LRIF1: variants seen among roughly 807,000 people sequenced by gnomAD.
The protein encoded by LRIF1 is ligand-dependent nuclear receptor-interacting factor 1.
LRIF1 carries 32 observed loss-of-function variants against 52.7 expected under a neutral mutation model. That is an observed-to-expected ratio of 0.61 (90% confidence interval 0.46 to 0.82). The LOEUF is 0.82. LRIF1 is among the 40% of genes least tolerant of loss of function. The probability of loss-of-function intolerance (pLI) is 0.00; values close to 1 mark genes in which losing one functional copy is unlikely to be tolerated. For synonymous variants in LRIF1, 323 were observed against 317.4 expected, an observed-to-expected ratio of 1.02 and a Z score of -0.19; for missense variants, 887 against 892.0, an observed-to-expected ratio of 0.99 and a Z score of 0.07.
intron 3 of LRIF1, among the ~76,000 whole-genome samples, chr1:110,948,843 G>A (rs906304537): frequency 1.3e-5 from 2 of 152,260 alleles, no homozygotes; most frequent in African/African-American, 4.8e-5. Context: ...AGTAGGCAAA[G>A]TTATAGACAT....
the LRIF1 span, among the ~76,000 whole-genome samples, chr1:110,901,163 TG>T: frequency 5.3e-5 from 8 of 151,190 alleles, no homozygotes; most frequent in Admixed American, 2.6e-4. Flanking sequence ...TTTTTTTGTT[TG>T]TTTTTTGTTT....
chr1:110,949,819 C>A, intron 3 of LRIF1, 32 bp downstream of exon 3: 1 of 1,591,424 alleles, frequency 6.3e-7, no homozygotes, highest in Non-Finnish European at 8.6e-7. Flanking sequence ...TTTGTAGTAC[C>A]TATGAAGAGC....
intron 2 of LRIF1, among the ~76,000 whole-genome samples, chr1:110,950,878 A>G (rs1658440835): frequency 6.6e-6 from 1 of 152,162 alleles, no homozygotes; most frequent in Non-Finnish European, 1.5e-5. Context: ...CAACTCTTTT[A>G]CATGCATATT....
intron 3 of LRIF1, among the ~76,000 whole-genome samples, chr1:110,949,093 G>A (rs763826151): frequency 3.3e-5 from 5 of 151,986 alleles, no homozygotes; most frequent in African/African-American, 4.8e-5. Flanking sequence ...GTGCGTGTGT[G>A]TGTGTGGGGT....
At chr1:110,951,161 G>A in intron 2 of LRIF1, 127 bp downstream of exon 2, 1 of 745,752 alleles carries the variant, frequency 1.3e-6, no homozygotes, top group East Asian at 2.7e-5. Flanking sequence ...ATACTCATAT[G>A]TGTATAGTCT....
At chr1:110,928,413 A>C in the LRIF1 span, among the ~76,000 whole-genome samples, 1 of 152,122 alleles carries the variant, frequency 6.6e-6, no homozygotes, top group South Asian at 2.1e-4. Flanking sequence ...AACTAGAATG[A>C]GACATTGGAG....
chr1:110,901,059 A>G, the LRIF1 span, among the ~76,000 whole-genome samples: 3 of 152,214 alleles, frequency 2.0e-5, no homozygotes, highest in Non-Finnish European at 2.9e-5. Flanking sequence ...TTTTAAAAAA[A>G]TTAGTATTTC....
chr1:110,914,003 C>T, the LRIF1 span, among the ~76,000 whole-genome samples: 1 of 152,098 alleles, frequency 6.6e-6, no homozygotes, highest in African/African-American at 2.4e-5. Context: ...GACATGGATG[C>T]TTCTGGAGTC....
chr1:110,882,783 C>T, the LRIF1 span, among the ~76,000 whole-genome samples: 1 of 151,936 alleles, frequency 6.6e-6, no homozygotes, highest in Admixed American at 6.6e-5. Flanking sequence ...TCTTTCACAA[C>T]TTTTGTCAGA....
the LRIF1 span, chr1:110,891,594 A>T: frequency 1.4e-6 from 1 of 727,686 alleles, no homozygotes; most frequent in Non-Finnish European, 2.4e-6. Flanking sequence ...GTCCAGCACA[A>T]CCATCCTAGA....
chr1:110,897,280 C>T, the LRIF1 span, among the ~76,000 whole-genome samples: 97,874 of 152,054 alleles, frequency 0.64, 33,451 homozygotes, highest in Non-Finnish European at 0.77. Context: ...CCAACTAGAC[C>T]GAATCCCTGA....
At chr1:110,902,495 T>TAAAAA in the LRIF1 span, among the ~76,000 whole-genome samples, 32 of 72,612 alleles carry the variant, frequency 4.4e-4, no homozygotes, top group Middle Eastern at 0.013. Context: ...AATCAATCAC[T>TAAAAA]AAAAAAAAAA....
chr1:110,899,380 A>G, the LRIF1 span: 9 of 525,282 alleles, frequency 1.7e-5, no homozygotes, highest in East Asian at 9.8e-5. Flanking sequence ...AGGCAGCAAG[A>G]CAATCTTTCA....
intron 2 of LRIF1, among the ~76,000 whole-genome samples, chr1:110,951,077 C>T (rs915774514): frequency 6.6e-6 from 1 of 152,138 alleles, no homozygotes; most frequent in East Asian, 1.9e-4. Context: ...AAGAGAAAGA[C>T]TGTACTCCTT....
chr1:110,884,089 C>G, the LRIF1 span, among the ~76,000 whole-genome samples: 1 of 152,052 alleles, frequency 6.6e-6, no homozygotes, highest in Admixed American at 6.5e-5. Flanking sequence ...TTTCTAGTTT[C>G]TCAAGATGCA....
Position 110,951,325 on chromosome 1 carries a change from G to A in LRIF1, c.1559C>T (p.Thr520Ile). 1.2e-6 allele frequency: 2 copies of A among 1,614,064 alleles called. No individual in the cohort carries two copies. The highest frequency in any genetic ancestry group is 2.2e-5 in the East Asian group (1 of 44,868). ...ISSSVDATTV[T>I]SQQCVFRDQE... ...GTCTCTGAAAACACACTGTTGTGAA[G>A]TAACAGTTGTTGCATCAACAGAGGA... Residue 520 changes from threonine (T) to isoleucine (I), a missense_variant, in exon 2 of 4, where the codon ACT becomes ATT. By Grantham distance (89) the Thr-to-Ile change is moderately conservative (BLOSUM62 -1). Coordinates refer to ENST00000369763, the MANE Select transcript of LRIF1 (RefSeq NM_018372.4).
the LRIF1 span, among the ~76,000 whole-genome samples, chr1:110,916,937 C>T: frequency 1.3e-5 from 2 of 152,186 alleles, no homozygotes; most frequent in Non-Finnish European, 2.9e-5. Flanking sequence ...ATTATGTTTC[C>T]TGCTTAGGGT....
At position 110,951,716 on chromosome 1, in the gene LRIF1, G is replaced by C; in HGVS notation, c.1168C>G (p.Pro390Ala). ...DQQNSVSPDT[P>A]VRKDTLQTVS... ...GTCTGTAACGTGTCTTTTCTTACTGGAGTATCAGGAGAAACAGAATTCTGT... is the reference window on the plus strand; with the variant it reads ...GTCTGTAACGTGTCTTTTCTTACTGCAGTATCAGGAGAAACAGAATTCTGT... The change falls in exon 2 of 4, where the codon CCA (proline) becomes GCA (alanine). Residue 390 changes from proline to alanine, a missense_variant. By Grantham distance (27) the Pro-to-Ala change is conservative. Transcript: ENST00000369763. 1 of 1,613,830 alleles carries C rather than the reference G, an allele frequency of 6.2e-7. No individual in the cohort carries two copies. Among genetic ancestry groups the C allele is most frequent in the South Asian group, 1.1e-5 (1 of 91,088 alleles).
Position 110,947,920 on chromosome 1 carries a change from T to TA in LRIF1, c.*38dup, listed in dbSNP as rs765918496. On this transcript the variant is annotated 3_prime_UTR_variant, in exon 4 of 4. Transcript: ENST00000369763. ...AACTTATTAATGCTGAAGTATATTT[T>TA]AAAAAACAGCTATTTCACTGAAGTC... 6.5e-7 allele frequency: 1 copy of TA among 1,534,602 alleles called. No individual in the cohort carries two copies. Among genetic ancestry groups the TA allele is most frequent in the Non-Finnish European group, 8.7e-7 (1 of 1,145,884 alleles).
Sources: gnomAD v4.1 joint callset for allele counts (sites outside exome capture counted in the v4.1 genomes callset) on GRCh38, gnomAD v4.1.1 for gene constraint, MANE v1.5 for transcripts, NCBI Gene and HGNC (gene_info 2026-07-23, HGNC 2026-07-21) for gene names.